Variants in XIRP2 observed in about 807,000 individuals in gnomAD.
XIRP2 encodes xin actin binding repeat containing 2.
In XIRP2, 236 loss-of-function variants were observed where a neutral mutation model predicts 277.0. The observed-to-expected ratio is 0.85, with a 90% CI of 0.77 to 0.95. XIRP2 has a LOEUF of 0.95. XIRP2 is among the 40% of genes least tolerant of loss of function. XIRP2 has a pLI of 0.00. For missense variants in XIRP2, 4,640 were observed against 4,157.5 expected (o/e 1.12, Z -3.19); for synonymous variants, 1,490 against 1,416.5 (o/e 1.05, Z -1.17).
At chr2:167,213,315 A>G (rs1694112173) in intron 4 of XIRP2, among the ~76,000 whole-genome samples, 1 of 152,204 alleles carries the variant, frequency 6.6e-6, no homozygotes, top group Non-Finnish European at 1.5e-5. Context: ...CCAGTTTATA[A>G]GAAAGAAAAC....
chr2:167,024,130 G>A (rs985317444), intron 2 of XIRP2, among the ~76,000 whole-genome samples: 10 of 151,684 alleles, frequency 6.6e-5, no homozygotes, highest in African/African-American at 2.2e-4. Context: ...TTATTTCATT[G>A]AGCAGTGGTT....
intron 2 of XIRP2, among the ~76,000 whole-genome samples, chr2:167,030,866 G>A (rs1316959900): frequency 2.6e-5 from 4 of 152,022 alleles, no homozygotes; most frequent in African/African-American, 9.7e-5. Flanking sequence ...TTATGAATCT[G>A]GGTGTTCCTG....
In XIRP2 at chr2:167,243,320, T is replaced by C; in HGVS notation, c.1928T>C (p.Ile643Thr). The C allele has an allele frequency of 1.2e-6, 2 of 1,613,698 alleles. No homozygotes were observed. The highest frequency in any genetic ancestry group is 1.7e-6 in the Non-Finnish European group (2 of 1,179,804). Reference protein sequence around the residue: ...SSDTVENAEKIPELARGDVCT... With the variant: ...SSDTVENAEKTPELARGDVCT... ...GACACTGTAGAAAATGCAGAGAAAA[T>C]TCCTGAGCTAGCCAGAGGAGATGTC... Residue 643 changes from isoleucine to threonine, a missense_variant, in exon 9 of 11, where the codon ATT becomes ACT. Coordinates refer to ENST00000409195, the MANE Select transcript of XIRP2 (RefSeq NM_152381.6).
intron 2 of XIRP2, among the ~76,000 whole-genome samples, chr2:167,027,499 C>T (rs1210591988): frequency 6.6e-6 from 1 of 152,140 alleles, no homozygotes; most frequent in Non-Finnish European, 1.5e-5. Flanking sequence ...GCCTTCTTCT[C>T]TCAACTCATC....
chr2:167,078,214 G>A (rs1049320407), intron 2 of XIRP2, among the ~76,000 whole-genome samples: 3 of 152,042 alleles, frequency 2.0e-5, no homozygotes, highest in Non-Finnish European at 4.4e-5. Flanking sequence ...TGTATTCCTA[G>A]GTATTTTATT....
intron 2 of XIRP2, 119 bp downstream of exon 2, chr2:166,904,009 C>T (rs889862791): frequency 1.8e-4 from 212 of 1,185,968 alleles, no homozygotes; most frequent in Non-Finnish European, 1.8e-4. Context: ...GTCCTGAAGC[C>T]GATGTGTAAT....
intron 2 of XIRP2, among the ~76,000 whole-genome samples, chr2:167,134,395 T>C (rs2105317088): frequency 6.6e-6 from 1 of 152,056 alleles, no homozygotes; most frequent in South Asian, 2.1e-4. Flanking sequence ...TATATATAAA[T>C]TGAAAAGCTT....
intron 2 of XIRP2, among the ~76,000 whole-genome samples, chr2:167,040,060 T>C (rs914560023): frequency 2.0e-5 from 3 of 152,038 alleles, no homozygotes; most frequent in Non-Finnish European, 4.4e-5. Context: ...TGCAACAAAA[T>C]AAACTGAAAG....
At chr2:167,168,769 C>T (rs1487307170) in intron 3 of XIRP2, among the ~76,000 whole-genome samples, 1 of 152,126 alleles carries the variant, frequency 6.6e-6, no homozygotes, top group Non-Finnish European at 1.5e-5. Context: ...TGCCCACCAC[C>T]ACGCCCGGCT....
chr2:167,258,350 C>A lies in XIRP2; in HGVS notation c.*533C>A, dbSNP rs765699907. 1.1e-5 allele frequency: 17 copies of A among 1,613,134 alleles called. No individual in the cohort carries two copies. The African/African-American group carries it at 1.6e-4, about 15-fold the overall frequency. ...ACAAGATCACTTTCCATTTTTGCAGCCTTATCTACAGTCCACCCATGTTTG... is the reference window on the plus strand; with the variant it reads ...ACAAGATCACTTTCCATTTTTGCAGACTTATCTACAGTCCACCCATGTTTG... On this transcript the variant is annotated 3_prime_UTR_variant, in exon 11 of 11. Coordinates refer to ENST00000409195, the MANE Select transcript of XIRP2 (RefSeq NM_152381.6).
intron 4 of XIRP2, among the ~76,000 whole-genome samples, chr2:167,211,352 C>T (rs536968030): frequency 1.3e-5 from 2 of 152,258 alleles, no homozygotes; most frequent in South Asian, 4.1e-4. Context: ...GCATCAGCCT[C>T]CCAAAGTGCT....
At chr2:167,046,865 C>T (rs1375812547) in intron 2 of XIRP2, among the ~76,000 whole-genome samples, 4 of 151,790 alleles carry the variant, frequency 2.6e-5, no homozygotes, top group African/African-American at 9.7e-5. Context: ...GTACACCAAA[C>T]ACCAGCAACG....
At chr2:166,923,035 G>C (rs1177705532) in intron 2 of XIRP2, among the ~76,000 whole-genome samples, 6 of 151,790 alleles carry the variant, frequency 4.0e-5, no homozygotes, top group African/African-American at 1.4e-4. Flanking sequence ...AAAAAAAAAA[G>C]TGTAAGTGGC....
chr2:166,902,222 A>G (rs2105335298), intron 1 of XIRP2, among the ~76,000 whole-genome samples: 1 of 152,246 alleles, frequency 6.6e-6, no homozygotes, highest in South Asian at 2.1e-4. Flanking sequence ...TATCTTTAAA[A>G]GTGAAGGAGT....
At chr2:166,976,170 G>T (rs1385742000) in intron 2 of XIRP2, among the ~76,000 whole-genome samples, 1 of 152,038 alleles carries the variant, frequency 6.6e-6, no homozygotes. Flanking sequence ...GATCTGCAAT[G>T]GTGAGGTCTT....
intron 2 of XIRP2, among the ~76,000 whole-genome samples, chr2:166,970,604 A>C (rs959965848): frequency 6.6e-6 from 1 of 151,948 alleles, no homozygotes; most frequent in Non-Finnish European, 1.5e-5. Flanking sequence ...AACTTCAAGA[A>C]GAACACAATG....
intron 2 of XIRP2, among the ~76,000 whole-genome samples, chr2:167,011,202 G>GTCATAGA (rs1558946727): frequency 6.6e-6 from 1 of 151,222 alleles, no homozygotes; most frequent in East Asian, 2.0e-4. Flanking sequence ...GATATTGGCT[G>GTCATAGA]TGGGTTTGTC....
chr2:166,998,907 A>G (rs1203546874), intron 2 of XIRP2, among the ~76,000 whole-genome samples: 1 of 152,182 alleles, frequency 6.6e-6, no homozygotes, highest in Non-Finnish European at 1.5e-5. Flanking sequence ...GAAACTCATT[A>G]CAATTTTGAT....
intron 3 of XIRP2, among the ~76,000 whole-genome samples, chr2:167,200,877 G>C (rs942395155): frequency 1.3e-5 from 2 of 152,106 alleles, no homozygotes; most frequent in African/African-American, 4.8e-5. Flanking sequence ...TGCAACCCCA[G>C]CACATGGGGA....
Sources: allele counts gnomAD v4.1 joint callset (sites outside exome capture counted in the v4.1 genomes callset), GRCh38; gene constraint gnomAD v4.1.1; transcripts MANE v1.5; gene names NCBI Gene and HGNC (gene_info 2026-07-23, HGNC 2026-07-21).